Variants in LRRIQ3 observed in about 807,000 individuals in gnomAD.
The protein encoded by LRRIQ3 is leucine-rich repeat and IQ domain-containing protein 3.
LRRIQ3 carries 75 observed loss-of-function variants against 59.3 expected under a neutral mutation model. The ratio of observed to expected loss-of-function variants is 1.26; its 90% CI spans 1.05 to 1.53. LRRIQ3 has a LOEUF of 1.53. Among genes scored for constraint, LRRIQ3 ranks in the 40% most tolerant of loss-of-function variants. The probability of loss-of-function intolerance (pLI) is 0.00; values close to 1 mark genes in which losing one functional copy is unlikely to be tolerated. For missense variants in LRRIQ3, 831 were observed against 710.0 expected, an observed-to-expected ratio of 1.17 and a Z score of -1.94; for synonymous variants, 250 against 231.3, an observed-to-expected ratio of 1.08 and a Z score of -0.73.
intron 3 of LRRIQ3, chr1:74,180,659 T>A: frequency 6.7e-7 from 1 of 1,495,814 alleles, no homozygotes; most frequent in South Asian, 1.2e-5. Flanking sequence ...ATCTCTGCAC[T>A]GTCTGTCATT....
intron 5 of LRRIQ3, among the ~76,000 whole-genome samples, chr1:74,096,528 T>C (rs1431387967): frequency 6.6e-6 from 1 of 152,112 alleles, no homozygotes; most frequent in Non-Finnish European, 1.5e-5. Flanking sequence ...AGTATAATCG[T>C]CTGAAGCCTT....
chr1:74,159,310 TC>T (rs1351540998), intron 3 of LRRIQ3, among the ~76,000 whole-genome samples: 2 of 152,170 alleles, frequency 1.3e-5, no homozygotes, highest in Admixed American at 6.5e-5. Flanking sequence ...CATTGGTGTA[TC>T]TTCTCCATAT....
intron 5 of LRRIQ3, among the ~76,000 whole-genome samples, chr1:74,079,716 G>A (rs1422891381): frequency 6.6e-6 from 1 of 151,694 alleles, no homozygotes; most frequent in Non-Finnish European, 1.5e-5. Flanking sequence ...ATTAAATGCT[G>A]AATGAATATA....
intron 5 of LRRIQ3, among the ~76,000 whole-genome samples, chr1:74,077,334 G>A (rs1057136540): frequency 6.6e-6 from 1 of 151,772 alleles, no homozygotes; most frequent in Non-Finnish European, 1.5e-5. Context: ...ATAGAAATGT[G>A]TCATTTCTTT....
chr1:74,137,525 G>A (rs893078778), intron 4 of LRRIQ3, among the ~76,000 whole-genome samples: 3 of 152,050 alleles, frequency 2.0e-5, no homozygotes, highest in African/African-American at 7.2e-5. Context: ...CATTGTGGAA[G>A]ACAGTGTGGT....
intron 5 of LRRIQ3, among the ~76,000 whole-genome samples, chr1:74,080,471 A>C (rs925415197): frequency 2.6e-5 from 4 of 151,682 alleles, no homozygotes; most frequent in Non-Finnish European, 4.4e-5. Flanking sequence ...AAAATTAAGG[A>C]GCGGTAGCAG....
chr1:74,177,002 T>C (rs759482746), intron 3 of LRRIQ3, among the ~76,000 whole-genome samples: 1 of 152,226 alleles, frequency 6.6e-6, no homozygotes, highest in Non-Finnish European at 1.5e-5. Flanking sequence ...TTCTGTACTT[T>C]GACTGCAGTA....
At chr1:74,134,183 C>G (rs898008264) in intron 4 of LRRIQ3, among the ~76,000 whole-genome samples, 3 of 151,936 alleles carry the variant, frequency 2.0e-5, no homozygotes, top group Non-Finnish European at 4.4e-5. Flanking sequence ...AATTGTAAAA[C>G]TGAACAAAAT....
chr1:74,160,504 A>G (rs1648597513), intron 3 of LRRIQ3, among the ~76,000 whole-genome samples: 1 of 152,022 alleles, frequency 6.6e-6, no homozygotes, highest in African/African-American at 2.4e-5. Context: ...TGTTTTATCC[A>G]TTATTTCCTG....
At chr1:74,125,510 T>C (rs974600818) in intron 4 of LRRIQ3, among the ~76,000 whole-genome samples, 8 of 151,906 alleles carry the variant, frequency 5.3e-5, no homozygotes, top group Non-Finnish European at 1.2e-4. Flanking sequence ...GCTTTTATTT[T>C]GTTGAGGTAT....
In LRRIQ3 at chr1:74,041,569, T is replaced by G; in HGVS notation, c.1362A>C (p.Arg454Ser). Reference protein sequence around the residue: ...AMAQVARERVRVAVNEHLNQK... With the variant: ...AMAQVARERVSVAVNEHLNQK... The stretch of plus-strand genomic sequence containing the variant: ...GATTCAAATGTTCATTAACAGCTAC[T>G]CTAACTCTTTCTCGAGCAACTTGTG... Residue 454 changes from arginine to serine, a missense_variant, in exon 7 of 8, where the codon AGA (arginine) becomes AGC (serine). Coordinates refer to ENST00000354431, the MANE Select transcript of LRRIQ3 (RefSeq NM_001105659.2). 2 of 1,613,708 alleles carry G rather than the reference T, an allele frequency of 1.2e-6. No individual in the cohort carries two copies. Among genetic ancestry groups the G allele is most frequent in the Middle Eastern group, 1.7e-4 (1 of 6,052 alleles).
At chr1:74,116,322 G>A (rs1275739717) in intron 4 of LRRIQ3, among the ~76,000 whole-genome samples, 1 of 151,998 alleles carries the variant, frequency 6.6e-6, no homozygotes, top group African/African-American at 2.4e-5. Context: ...ATGAGGTCAT[G>A]TATTAAAGAA....
chr1:74,115,847 C>T (rs1184651641), intron 4 of LRRIQ3, among the ~76,000 whole-genome samples: 1 of 151,824 alleles, frequency 6.6e-6, no homozygotes, highest in Admixed American at 6.6e-5. Flanking sequence ...ACCCTCCCAC[C>T]AAAAAGTCAA....
intron 4 of LRRIQ3, among the ~76,000 whole-genome samples, chr1:74,131,193 A>G (rs1414125672): frequency 6.6e-6 from 1 of 152,158 alleles, no homozygotes; most frequent in Non-Finnish European, 1.5e-5. Flanking sequence ...TGAATCCCTG[A>G]ATAGACCAAT....
chr1:74,190,312 T>C (rs1164900400), intron 1 of LRRIQ3, among the ~76,000 whole-genome samples: 3 of 152,098 alleles, frequency 2.0e-5, no homozygotes, highest in African/African-American at 7.2e-5. Flanking sequence ...GAGAGATAGA[T>C]ATTCTAAGAA....
chr1:74,127,623 T>C (rs556221753), intron 4 of LRRIQ3, among the ~76,000 whole-genome samples: 1 of 151,994 alleles, frequency 6.6e-6, no homozygotes, highest in East Asian at 1.9e-4. Flanking sequence ...GACTTCATCC[T>C]TCTGCTTTTT....
At chr1:74,054,739 A>AATATATATATATATATAT (rs143015235) in intron 6 of LRRIQ3, among the ~76,000 whole-genome samples, 26 of 141,778 alleles carry the variant, frequency 1.8e-4, no homozygotes, top group Non-Finnish European at 3.2e-4. Flanking sequence ...AGAAAACACA[A>AATATATATATATATATAT]ATATATATAT....
chr1:74,092,147 G>A (rs752098786), intron 5 of LRRIQ3, among the ~76,000 whole-genome samples: 9 of 152,006 alleles, frequency 5.9e-5, no homozygotes, highest in South Asian at 2.1e-4. Flanking sequence ...GATGGGTGGA[G>A]TAAGTGCAGT....
At chr1:74,080,634 T>G (rs1646263512) in intron 5 of LRRIQ3, among the ~76,000 whole-genome samples, 1 of 151,728 alleles carries the variant, frequency 6.6e-6, no homozygotes, top group Non-Finnish European at 1.5e-5. Flanking sequence ...TGTAATTTTG[T>G]TTTCACATTC....
Sources: allele counts gnomAD v4.1 joint callset (sites outside exome capture counted in the v4.1 genomes callset), GRCh38; gene constraint gnomAD v4.1.1; transcripts MANE v1.5; gene names NCBI Gene and HGNC (gene_info 2026-07-23, HGNC 2026-07-21).